Variants in NANOS3 observed in about 807,000 individuals in gnomAD.
The protein encoded by NANOS3 is nanos homolog 3.
NANOS3 carries 11 observed loss-of-function variants against 13.8 expected under a neutral mutation model. The observed-to-expected ratio is 0.80, with a 90% confidence interval of 0.50 to 1.32. The LOEUF (loss-of-function observed/expected upper bound fraction) is 1.32. Ranked by LOEUF, NANOS3 falls within the 40% of genes most tolerant of loss-of-function variation. The pLI is 0.00. For missense variants in NANOS3, 221 were observed against 263.8 expected (o/e 0.84, Z 1.12); for synonymous variants, 119 against 115.4 (o/e 1.03, Z -0.20).
At chr19:13,878,459 G>T (rs892777722) in intron 1 of NANOS3, among the ~76,000 whole-genome samples, 1 of 151,488 alleles carries the variant, frequency 6.6e-6, no homozygotes, top group Admixed American at 6.6e-5. Context: ...GGCTGGTCTC[G>T]AACTCCCAAC....
chr19:13,865,190 C>T (rs911197839), upstream of NANOS3, among the ~76,000 whole-genome samples: 1 of 149,770 alleles, frequency 6.7e-6, no homozygotes, highest in African/African-American at 2.4e-5. Flanking sequence ...AGGGAGGGGG[C>T]GGCGGCAGCG....
upstream of NANOS3, chr19:13,877,130 T>C (rs1202564009): frequency 1.1e-6 from 1 of 874,348 alleles, no homozygotes; most frequent in Non-Finnish European, 1.8e-6. Flanking sequence ...CAGCACAGAC[T>C]CCCAGGCTCC....
In NANOS3 at chr19:13,880,067, T is replaced by TAA. The variant is rs140917201; in HGVS notation, c.518-374_518-373insAA. 4.1e-3 allele frequency among the ~76,000 whole-genome samples: 617 copies of TAA among 152,234 alleles called. 3 individuals carry two copies. Among genetic ancestry groups the TAA allele is most frequent in the African/African-American group, 0.014 (591 of 41,552 alleles). On this transcript the variant is annotated intron_variant, in intron 1 of 1. Coordinates refer to ENST00000339133, the MANE Select transcript of NANOS3 (RefSeq NM_001098622.3). ...ATGAAAGACTGCCTCCAGGAGAAGATAGTGTTTCCTGTGAGGTTTGATGCT... is the reference window on the plus strand; with the variant it reads ...ATGAAAGACTGCCTCCAGGAGAAGATAAAGTGTTTCCTGTGAGGTTTGATGCT...
chr19:13,864,432 G>T (rs137976763), upstream of NANOS3, among the ~76,000 whole-genome samples: 1 of 152,150 alleles, frequency 6.6e-6, no homozygotes, highest in Non-Finnish European at 1.5e-5. Context: ...GCATGTGGCT[G>T]TTGGCTGTGT....
chr19:13,875,369 T>A (rs1468535694), upstream of NANOS3, among the ~76,000 whole-genome samples: 1 of 151,832 alleles, frequency 6.6e-6, no homozygotes. Context: ...GTATTTTTAG[T>A]AGAGACGAGA....
At chr19:13,874,833 G>T (rs760416656), upstream of NANOS3, 107 of 528,908 alleles carry the variant, frequency 2.0e-4, 1 homozygote, top group South Asian at 1.5e-3. Flanking sequence ...TGACCTTCCA[G>T]ATCTAGGGGG....
At position 13,880,542 on chromosome 19, in the gene NANOS3, C is replaced by G. The variant is rs1408589776; in HGVS notation, c.*39C>G. 1 of 1,595,242 alleles carries G rather than the reference C, an allele frequency of 6.3e-7. No homozygotes were observed. The highest frequency in any genetic ancestry group is 1.1e-5 in the South Asian group (1 of 90,178). On this transcript the variant is annotated 3_prime_UTR_variant, in exon 2 of 2. Coordinates refer to ENST00000339133, the MANE Select transcript of NANOS3 (RefSeq NM_001098622.3). The stretch of plus-strand genomic sequence containing the variant: ...CCTGGGCAAGGGCACCCGGGCTCGG[C>G]TGGATTTCCAGGAAGACCCACCCTA...
chr19:13,878,998 G>C (rs1241362301), intron 1 of NANOS3, among the ~76,000 whole-genome samples: 1 of 150,838 alleles, frequency 6.6e-6, no homozygotes, highest in Non-Finnish European at 1.5e-5. Flanking sequence ...CTAGAGTGCA[G>C]TGGCGCGATC....
rs371756372 is a variant in NANOS3 at position 13,869,730 on chromosome 19, C to T, written n.21+4293C>T. 2.6e-5 allele frequency among the ~76,000 whole-genome samples: 4 copies of T among 151,586 alleles called. 1 individual carries two copies. The highest frequency in any genetic ancestry group is 2.0e-4 in the Admixed American group (3 of 15,218). ...CAGGTCCTGACGACCTCCCCCACCC[C>T]GTGTCCCCCTTCCAGGCCCAAGTAC... On this transcript the variant is annotated intron_variant and non_coding_transcript_variant, in intron 1 of 2. Coordinates refer to the NANOS3 transcript ENST00000591161.
intron 1 of NANOS3, among the ~76,000 whole-genome samples, chr19:13,880,153 C>T (rs1968602608): frequency 6.6e-6 from 1 of 152,224 alleles, no homozygotes; most frequent in Non-Finnish European, 1.5e-5. Context: ...CTGCGGCCAG[C>T]CTTTCTGATG....
upstream of NANOS3, among the ~76,000 whole-genome samples, chr19:13,865,168 G>A (rs1263428401): frequency 1.1e-4 from 16 of 151,120 alleles, no homozygotes; most frequent in South Asian, 8.3e-4. Context: ...CGCCCGGCGC[G>A]GCGCGGGGAG....
intron 1 of NANOS3, among the ~76,000 whole-genome samples, chr19:13,869,948 TCA>T: frequency 6.6e-6 from 1 of 152,012 alleles, no homozygotes; most frequent in Non-Finnish European, 1.5e-5. Context: ...CTGAGGGACT[TCA>T]CAGTCAAGAC....
At position 13,880,456 on chromosome 19, in the gene NANOS3, G is replaced by A. The variant is rs138280579; in HGVS notation, c.532G>A (p.Gly178Arg). The change falls in exon 2 of 2, where the codon GGG becomes AGG. Residue 178 changes from glycine to arginine, a missense_variant. Physicochemically the swap from Gly to Arg is moderately radical, Grantham distance 125. Coordinates refer to ENST00000339133, the MANE Select transcript of NANOS3 (RefSeq NM_001098622.3). ...GGGGAGFRGA[G>R]KSEPSPSCSP... is the part of the protein sequence containing the mutation. ...CCCTCCACTAGGTTTCAGAGGTGCC[G>A]GGAAGTCTGAGCCTTCGCCCTCCTG... The A allele has an allele frequency of 8.1e-6, 13 of 1,613,846 alleles. No individual in the cohort carries two copies. Among genetic ancestry groups the A allele is most frequent in the African/African-American group, 2.7e-5 (2 of 74,904 alleles).
At position 13,877,509 on chromosome 19, in the gene NANOS3, G is replaced by A; in HGVS notation, c.261G>A (p.Arg87=). The part of the protein sequence containing the change: ...CSFCKHNGES[R]AIYQSHVLKD... Reference sequence around the variant, plus strand: ...TCTGCAAACACAACGGCGAGTCCCGGGCCATCTACCAGTCCCACGTGCTGA... The same window carrying A: ...TCTGCAAACACAACGGCGAGTCCCGAGCCATCTACCAGTCCCACGTGCTGA... The change falls in exon 1 of 2, where the codon CGG becomes CGA. Residue 87 remains arginine, a synonymous_variant. Coordinates refer to ENST00000339133, the MANE Select transcript of NANOS3 (RefSeq NM_001098622.3). 1 of 1,611,764 alleles carries A rather than the reference G, an allele frequency of 6.2e-7. No homozygotes were observed. The highest frequency in any genetic ancestry group is 8.5e-7 in the Non-Finnish European group (1 of 1,179,996).
At chr19:13,877,814 G>A in intron 1 of NANOS3, 49 bp downstream of exon 1, 5 of 1,509,406 alleles carry the variant, frequency 3.3e-6, no homozygotes, top group Non-Finnish European at 4.4e-6. Flanking sequence ...TAGTGGCTGA[G>A]CCCCCCTGTG....
At chr19:13,872,631 C>T (rs1334201276), upstream of NANOS3, among the ~76,000 whole-genome samples, 1 of 152,248 alleles carries the variant, frequency 6.6e-6, no homozygotes, top group Non-Finnish European at 1.5e-5. Flanking sequence ...TTCCCAAGTC[C>T]TAGGCGTTCT....
chr19:13,869,774 G>GCACACA (rs745893055), intron 1 of NANOS3, among the ~76,000 whole-genome samples: 1 of 144,368 alleles, frequency 6.9e-6, no homozygotes, highest in African/African-American at 2.5e-5. Context: ...ACACACGCAC[G>GCACACA]CACACACACA....
intron 1 of NANOS3, among the ~76,000 whole-genome samples, chr19:13,872,023 A>G (rs189634406): frequency 3.3e-5 from 5 of 151,668 alleles, no homozygotes; most frequent in South Asian, 2.1e-4. Flanking sequence ...CAAAACAACA[A>G]CAGCAACAAA....
upstream of NANOS3, among the ~76,000 whole-genome samples, chr19:13,862,730 G>C (rs991488054): frequency 1.3e-5 from 2 of 152,024 alleles, no homozygotes; most frequent in African/African-American, 4.8e-5. Context: ...GTAGAGAAGA[G>C]ATTTCACCAT....
Sources: allele counts gnomAD v4.1 joint callset (sites outside exome capture counted in the v4.1 genomes callset), GRCh38; gene constraint gnomAD v4.1.1; transcripts MANE v1.5; gene names NCBI Gene and HGNC (gene_info 2026-07-23, HGNC 2026-07-21).